The following ELOVL2 variants were observed in gnomAD, a reference collection of about 807,000 sequenced individuals.
ELOVL2 encodes ELOVL fatty acid elongase 2.
ELOVL2 carries 38 observed loss-of-function variants against 37.7 expected under a neutral mutation model. The observed-to-expected ratio is 1.01, with a 90% CI of 0.78 to 1.32. The LOEUF (loss-of-function observed/expected upper bound fraction) is 1.32. ELOVL2 is among the 40% of genes most tolerant of loss of function. The probability of loss-of-function intolerance (pLI) is 0.00; values close to 1 mark genes in which losing one functional copy is unlikely to be tolerated. For synonymous variants in ELOVL2, 115 were observed against 122.3 expected (o/e 0.94, Z 0.40); for missense variants, 352 against 363.6 (o/e 0.97, Z 0.26).
At chr6:11,034,190 A>G (rs962966947) in intron 1 of ELOVL2, among the ~76,000 whole-genome samples, 3 of 152,218 alleles carry the variant, frequency 2.0e-5, no homozygotes, top group Non-Finnish European at 4.4e-5. Flanking sequence ...CCAGCCCTGT[A>G]TATTATGAAA....
At chr6:10,997,995 C>T (rs1258712028) in intron 4 of ELOVL2, among the ~76,000 whole-genome samples, 1 of 152,074 alleles carries the variant, frequency 6.6e-6, no homozygotes, top group East Asian at 1.9e-4. Flanking sequence ...TTGTTTGGGT[C>T]ACGGTGGCAG....
rs1176816557 is a variant in ELOVL2, at chr6:10,980,838, T to G, written c.*2943A>C. ...ACAAAGAGAAATGGCTTCTGCAGCCTCCCTGTCTACTCCATTCATGATACT... is the reference window on the plus strand; with the variant it reads ...ACAAAGAGAAATGGCTTCTGCAGCCGCCCTGTCTACTCCATTCATGATACT... On this transcript the variant is annotated 3_prime_UTR_variant, in exon 8 of 8. Transcript: ENST00000354666. The G allele has an allele frequency of 6.6e-6, 1 of 152,642 alleles. No individual in the cohort carries two copies. The highest frequency in any genetic ancestry group is 2.4e-5 in the African/African-American group (1 of 41,448). The allele number at this position is 152,642 out of a possible 1,614,324, so 9.5% of individuals were successfully genotyped here.
rs546182279 is a variant in ELOVL2 at position 11,000,288 on chromosome 6, AGTTT to A, written c.256-128_256-125del. On this transcript the variant is annotated intron_variant, in intron 3 of 7. Coordinates refer to ENST00000354666, the MANE Select transcript of ELOVL2 (RefSeq NM_017770.4). ...TTGAGTAGGAATTTCCCAGAATTTGAGTTTGTCTCAATCCTATCCTCAAACACCT... is the reference window on the plus strand; with the variant it reads ...TTGAGTAGGAATTTCCCAGAATTTGAGTCTCAATCCTATCCTCAAACACCT... 1.0e-3 allele frequency: 894 copies of A among 866,668 alleles called. 3 individuals are homozygous for A. Among genetic ancestry groups the A allele is most frequent in the Non-Finnish European group, 1.3e-3 (713 of 543,520 alleles). The allele number at this position is 866,668 out of a possible 1,614,324, so 53.7% of individuals were successfully genotyped here.
chr6:11,023,707 G>A (rs1782801009), intron 1 of ELOVL2, among the ~76,000 whole-genome samples: 1 of 152,170 alleles, frequency 6.6e-6, no homozygotes, highest in African/African-American at 2.4e-5. Flanking sequence ...TGTTTGGCAG[G>A]ACATTACCAT....
At chr6:11,026,991 T>C (rs534383909) in intron 1 of ELOVL2, among the ~76,000 whole-genome samples, 1 of 152,354 alleles carries the variant, frequency 6.6e-6, no homozygotes, top group Non-Finnish European at 1.5e-5. Flanking sequence ...CTTATCATTT[T>C]TTTGTAGTGA....
At chr6:10,988,513 G>A (rs1174686772) in intron 7 of ELOVL2, among the ~76,000 whole-genome samples, 6 of 152,206 alleles carry the variant, frequency 3.9e-5, no homozygotes, top group African/African-American at 1.2e-4. Flanking sequence ...GTGTTGAGCC[G>A]AGACTGCGCC....
intron 2 of ELOVL2, among the ~76,000 whole-genome samples, chr6:11,008,385 C>A (rs988055162): frequency 6.6e-6 from 1 of 152,242 alleles, no homozygotes; most frequent in Non-Finnish European, 1.5e-5. Flanking sequence ...GTGAACTTGG[C>A]GCAGACAAGT....
chr6:11,011,143 T>A (rs1170032318), intron 1 of ELOVL2, among the ~76,000 whole-genome samples: 8 of 152,056 alleles, frequency 5.3e-5, no homozygotes, highest in Admixed American at 3.9e-4. Flanking sequence ...GGCAGGCGGA[T>A]CACGAGGTCA....
chr6:11,021,170 A>T (rs968934167), intron 1 of ELOVL2, among the ~76,000 whole-genome samples: 1 of 152,182 alleles, frequency 6.6e-6, no homozygotes, highest in Non-Finnish European at 1.5e-5. Context: ...TCTTTGTTCC[A>T]GGCATATCTA....
chr6:10,995,137 T>C lies in ELOVL2; in HGVS notation c.375A>G (p.Val125=), dbSNP rs763497968. ...CGAAGAAAATTGTGTCCAGGAACTCTACTGATTTGGAGAAATAGTACCACC... is the reference window on the plus strand; with the variant it reads ...CGAAGAAAATTGTGTCCAGGAACTCCACTGATTTGGAGAAATAGTACCACC... The part of the protein sequence containing the change: ...VLWWYYFSKS[V]EFLDTIFFVL... Residue 125 remains valine, a synonymous_variant, in exon 5 of 8, where the codon GTA becomes GTG. Coordinates refer to ENST00000354666, the MANE Select transcript of ELOVL2 (RefSeq NM_017770.4). 2.5e-6 allele frequency: 4 copies of C among 1,613,202 alleles called. No homozygotes were observed. The highest frequency in any genetic ancestry group is 4.5e-5 in the East Asian group (2 of 44,876).
At chr6:11,006,301 C>T (rs970773537) in intron 2 of ELOVL2, among the ~76,000 whole-genome samples, 4 of 152,202 alleles carry the variant, frequency 2.6e-5, no homozygotes, top group Non-Finnish European at 5.9e-5. Context: ...CAGCTGAATA[C>T]ATCAGGGCCC....
intron 1 of ELOVL2, among the ~76,000 whole-genome samples, chr6:11,031,852 A>G (rs1782934672): frequency 6.6e-6 from 1 of 152,156 alleles, no homozygotes; most frequent in Non-Finnish European, 1.5e-5. Flanking sequence ...GTAGAGATCT[A>G]ATTTTATTTT....
At chr6:10,990,241 T>G (rs1782128687) in intron 6 of ELOVL2, 77 bp downstream of exon 6, 1 of 1,558,444 alleles carries the variant, frequency 6.4e-7, no homozygotes, top group South Asian at 1.2e-5. Context: ...TAAAAAGCCC[T>G]CTGACTTCTA....
chr6:10,987,062 C>T (rs1404044313), intron 7 of ELOVL2, among the ~76,000 whole-genome samples: 3 of 152,176 alleles, frequency 2.0e-5, no homozygotes, highest in Non-Finnish European at 2.9e-5. Context: ...TCAGCTTCTT[C>T]CTGGTTTAGT....
rs915964638 is a variant in ELOVL2, at chr6:11,035,387, C to A, written c.3+8841G>T. ...TTCTCATTCTGTAGGTCCGACCTCA[C>A]GTAGCCTAGGAATGTGCATTTAAAT... On this transcript the variant is annotated intron_variant, in intron 1 of 7. Coordinates refer to ENST00000354666, the MANE Select transcript of ELOVL2 (RefSeq NM_017770.4). 3.9e-5 allele frequency among the ~76,000 whole-genome samples: 6 copies of A among 152,222 alleles called. No individual in the cohort carries two copies. In the East Asian group the frequency reaches 1.2e-3, roughly 29 times the overall value.
chr6:11,004,039 C>T (rs562190253), intron 3 of ELOVL2, among the ~76,000 whole-genome samples: 39 of 151,218 alleles, frequency 2.6e-4, no homozygotes, highest in Non-Finnish European at 4.7e-4. Flanking sequence ...GCTGAGATTG[C>T]GCCATTGCAC....
intron 1 of ELOVL2, among the ~76,000 whole-genome samples, chr6:11,022,389 C>T (rs1009235001): frequency 1.3e-5 from 2 of 152,104 alleles, no homozygotes; most frequent in Non-Finnish European, 2.9e-5. Context: ...GGGTCTTACC[C>T]AGCAGAGAGG....
At chr6:11,033,440 G>T (rs1255378838) in intron 1 of ELOVL2, among the ~76,000 whole-genome samples, 1 of 152,166 alleles carries the variant, frequency 6.6e-6, no homozygotes, top group Non-Finnish European at 1.5e-5. Flanking sequence ...TAAATTTTTA[G>T]GGGTTAAGGC....
intron 4 of ELOVL2, among the ~76,000 whole-genome samples, chr6:10,995,791 A>C (rs990228776): frequency 3.9e-5 from 6 of 152,224 alleles, no homozygotes; most frequent in African/African-American, 1.4e-4. Context: ...AATAGATTGC[A>C]AATCACTCAA....
Sources: gnomAD v4.1 joint callset for allele counts (sites outside exome capture counted in the v4.1 genomes callset) on GRCh38, gnomAD v4.1.1 for gene constraint, MANE v1.5 for transcripts, NCBI Gene and HGNC (gene_info 2026-07-23, HGNC 2026-07-21) for gene names.